PCDHA4: variants seen among roughly 807,000 people sequenced by gnomAD.
PCDHA4 encodes protocadherin alpha 4, also known as protocadherin alpha-4.
In PCDHA4, 49 loss-of-function variants were observed where a neutral mutation model predicts 61.4. The observed-to-expected ratio is 0.80, with a 90% CI of 0.63 to 1.01. The LOEUF (loss-of-function observed/expected upper bound fraction) is 1.01. Ranked by LOEUF, PCDHA4 falls within the 50% of genes least tolerant of loss-of-function variation. The pLI is 0.00. For missense variants in PCDHA4, 1,254 were observed against 1,235.8 expected (o/e 1.01, Z -0.22); for synonymous variants, 590 against 550.3 (o/e 1.07, Z -1.01).
chr5:140,996,136 C>A (rs1484642740), intron 3 of PCDHA4, among the ~76,000 whole-genome samples: 1 of 152,104 alleles, frequency 6.6e-6, no homozygotes, highest in African/African-American at 2.4e-5. Context: ...GAGGGTTCTC[C>A]CATTATCTTG....
At chr5:140,908,846 T>A (rs2074185614) in intron 1 of PCDHA4, among the ~76,000 whole-genome samples, 1 of 152,294 alleles carries the variant, frequency 6.6e-6, no homozygotes, top group East Asian at 1.9e-4. Flanking sequence ...TGGAGTAACA[T>A]ACCCAAATGA....
chr5:140,898,913 G>T (rs1554188302), intron 1 of PCDHA4, among the ~76,000 whole-genome samples: 1 of 152,066 alleles, frequency 6.6e-6, no homozygotes, highest in Non-Finnish European at 1.5e-5. Context: ...CACGTCCCTT[G>T]TAAGTTGGAT....
chr5:140,924,768 G>C lies in PCDHA4; in HGVS notation c.2386-54181G>C, dbSNP rs562954470. ...AAATTAACCGAGCATGGTGGTGCGCGCTTGTAGTCCTAGCTACTTAGGAGG... is the reference window on the plus strand; with the variant it reads ...AAATTAACCGAGCATGGTGGTGCGCCCTTGTAGTCCTAGCTACTTAGGAGG... On this transcript the variant is annotated intron_variant, in intron 1 of 3. Coordinates refer to ENST00000530339, the MANE Select transcript of PCDHA4 (RefSeq NM_018907.4). Among the ~76,000 whole-genome samples the C allele has an allele frequency of 3.9e-3, 597 of 151,896 alleles. 3 individuals are homozygous for C. The highest frequency in any genetic ancestry group is 0.014 in the African/African-American group (579 of 41,424).
chr5:140,849,977 G>T (rs2150461190), intron 1 of PCDHA4: 15 of 1,597,540 alleles, frequency 9.4e-6, no homozygotes, highest in East Asian at 4.5e-5. Context: ...CCTACTCGCT[G>T]GTGGAGCGGC....
chr5:140,925,498 A>G (rs1268906717), intron 1 of PCDHA4, among the ~76,000 whole-genome samples: 1 of 152,124 alleles, frequency 6.6e-6, no homozygotes, highest in East Asian at 1.9e-4. Flanking sequence ...CACTGTCCCA[A>G]TATCCACGCA....
intron 1 of PCDHA4, chr5:140,849,831 G>A (rs2041164266): frequency 6.3e-7 from 1 of 1,598,450 alleles, no homozygotes; most frequent in African/African-American, 1.3e-5. Context: ...TGTGGAGGTG[G>A]CCGACGTGAA....
At chr5:140,850,689 T>C in intron 1 of PCDHA4, 4 of 1,594,932 alleles carry the variant, frequency 2.5e-6, no homozygotes, top group South Asian at 1.1e-5. Flanking sequence ...CGAGGGCGAG[T>C]GCGCGCCTGG....
chr5:140,877,366 A>G (rs1358364554), intron 1 of PCDHA4: 1 of 1,613,868 alleles, frequency 6.2e-7, no homozygotes, highest in Non-Finnish European at 8.5e-7. Context: ...TGGCGAGATC[A>G]GCACGACACG....
intron 1 of PCDHA4, among the ~76,000 whole-genome samples, chr5:140,901,931 C>G (rs2068990642): frequency 6.6e-6 from 1 of 151,430 alleles, no homozygotes; most frequent in Non-Finnish European, 1.5e-5. Context: ...TGGTTAATTC[C>G]TAGGTATATT....
chr5:140,856,759 C>T lies in PCDHA4; in HGVS notation c.2385+47187C>T, dbSNP rs148775418. On this transcript the variant is annotated intron_variant, in intron 1 of 3. Coordinates refer to ENST00000530339, the MANE Select transcript of PCDHA4 (RefSeq NM_018907.4). ...TCCTGGTGTTAGATGCCAATGATAA[C>T]GCCCCTATCTTTGACAGACCGGTTT... 33 of 1,596,270 alleles carry T rather than the reference C, an allele frequency of 2.1e-5. 4 individuals carry two copies. Among genetic ancestry groups the T allele is most frequent in the Non-Finnish European group, 2.6e-5 (30 of 1,166,452 alleles).
chr5:140,809,233 G>C lies in PCDHA4; in HGVS notation c.2046G>C (p.Ala682=). ...SGQAPKASSR[A]LVGAVGPDAA... is the part of the protein sequence containing the mutation. Reference sequence around the variant, plus strand: ...AGGCGCCAAAGGCCTCCTCACGGGCGTTGGTGGGCGCTGTGGGTCCCGATG... The same window carrying C: ...AGGCGCCAAAGGCCTCCTCACGGGCCTTGGTGGGCGCTGTGGGTCCCGATG... The change falls in exon 1 of 4, where the codon GCG becomes GCC. Residue 682 remains alanine (A), a synonymous_variant. Coordinates refer to ENST00000530339, the MANE Select transcript of PCDHA4 (RefSeq NM_018907.4). The C allele has an allele frequency of 6.2e-7, 1 of 1,614,102 alleles. No homozygotes were observed. The highest frequency in any genetic ancestry group is 8.5e-7 in the Non-Finnish European group (1 of 1,179,972).
At chr5:140,829,423 G>A (rs2150167639) in intron 1 of PCDHA4, 3 of 1,614,120 alleles carry the variant, frequency 1.9e-6, no homozygotes, top group Middle Eastern at 1.7e-4. Flanking sequence ...TGTCTGTGGA[G>A]GTGGCCGACA....
chr5:140,850,367 G>T, intron 1 of PCDHA4: 3 of 1,597,916 alleles, frequency 1.9e-6, no homozygotes, highest in Non-Finnish European at 8.6e-7. Context: ...CGTTCCGCGT[G>T]GGGCTGTACA....
intron 1 of PCDHA4, chr5:140,849,371 G>C: frequency 6.7e-7 from 1 of 1,495,460 alleles, no homozygotes. Flanking sequence ...TAAAATCCAA[G>C]TTCCACATGG....
Position 140,850,172 on chromosome 5 carries a change from C to T in PCDHA4, c.2385+40600C>T, listed in dbSNP as rs2150470572. The T allele has an allele frequency of 5.0e-6, 8 of 1,594,262 alleles. 1 individual carries two copies. In the Admixed American group the frequency reaches 6.7e-5, roughly 13 times the overall value. On this transcript the variant is annotated intron_variant, in intron 1 of 3. Coordinates refer to ENST00000530339, the MANE Select transcript of PCDHA4 (RefSeq NM_018907.4). The stretch of plus-strand genomic sequence containing the variant: ...TGCAGGTGTTCGTGCTGGACGAGAA[C>T]GACAATGCGCCGGCGCTGCTGACAC...
chr5:140,895,665 A>G (rs782373926), intron 1 of PCDHA4, among the ~76,000 whole-genome samples: 1 of 152,114 alleles, frequency 6.6e-6, no homozygotes, highest in Non-Finnish European at 1.5e-5. Flanking sequence ...AAGTGAGAAC[A>G]TGTAGTATTT....
At chr5:140,932,491 T>C (rs1041440008) in intron 1 of PCDHA4, among the ~76,000 whole-genome samples, 11 of 151,918 alleles carry the variant, frequency 7.2e-5, no homozygotes, top group Non-Finnish European at 1.6e-4. Flanking sequence ...CTCTTTGCAA[T>C]GTCATTTGTT....
At chr5:140,864,663 C>G (rs75209206) in intron 1 of PCDHA4, 1 of 152,176 alleles carries the variant, frequency 6.6e-6, no homozygotes, top group African/African-American at 2.4e-5. Flanking sequence ...ACTTAATTAC[C>G]TGTTGACTTA....
chr5:140,982,967 T>C (rs1395576199), intron 3 of PCDHA4, among the ~76,000 whole-genome samples: 1 of 150,996 alleles, frequency 6.6e-6, no homozygotes, highest in Non-Finnish European at 1.5e-5. Flanking sequence ...CCACCCAAAG[T>C]AGTAAGGAAA....
Sources: allele counts gnomAD v4.1 joint callset (sites outside exome capture counted in the v4.1 genomes callset), GRCh38; gene constraint gnomAD v4.1.1; transcripts MANE v1.5; gene names NCBI Gene and HGNC (gene_info 2026-07-23, HGNC 2026-07-21).